VPS13B: variants seen among roughly 807,000 people sequenced by gnomAD.
VPS13B encodes vacuolar protein sorting 13 homolog B.
Under a neutral mutation model 426.4 loss-of-function variants are expected in VPS13B, and 285 were observed. That is an observed-to-expected ratio of 0.67 (90% CI 0.61 to 0.74). The LOEUF is 0.74. VPS13B is among the 30% of genes least tolerant of loss of function. VPS13B has a pLI of 0.00. For missense variants in VPS13B, 4,537 were observed against 4,782.6 expected (o/e 0.95, Z 1.51); for synonymous variants, 1,676 against 1,676.4 (o/e 1.00, Z 0.01).
chr8:99,090,739 A>G (rs560432312), intron 3 of VPS13B, among the ~76,000 whole-genome samples: 21 of 152,166 alleles, frequency 1.4e-4, no homozygotes, highest in Non-Finnish European at 2.8e-4. Flanking sequence ...GAGGGAAGTT[A>G]TATACAAGAA....
intron 30 of VPS13B, among the ~76,000 whole-genome samples, chr8:99,551,904 C>A (rs1478965641): frequency 6.6e-6 from 1 of 151,934 alleles, no homozygotes; most frequent in Non-Finnish European, 1.5e-5. Context: ...GGATTTAGGG[C>A]TTGGCATTTT....
At chr8:99,361,278 GT>G (rs573232977) in intron 19 of VPS13B, among the ~76,000 whole-genome samples, 1 of 152,300 alleles carries the variant, frequency 6.6e-6, no homozygotes, top group Non-Finnish European at 1.5e-5. Flanking sequence ...GTGCCTCTCA[GT>G]TTTTAGGCTA....
chr8:99,592,579 G>T (rs1826748830), intron 33 of VPS13B, among the ~76,000 whole-genome samples: 1 of 151,950 alleles, frequency 6.6e-6, no homozygotes. Context: ...AATTCAAATG[G>T]AACCAAAACA....
chr8:99,664,242 T>G (rs1250628541), intron 35 of VPS13B, among the ~76,000 whole-genome samples: 1 of 151,974 alleles, frequency 6.6e-6, no homozygotes, highest in Non-Finnish European at 1.5e-5. Flanking sequence ...CCTGACCACA[T>G]GATCCGCCCA....
rs186160760 is a variant in VPS13B, at chr8:99,773,549, A to G, written c.7248-3226A>G. Among the ~76,000 whole-genome samples, 949 of 152,304 alleles carry G rather than the reference A, an allele frequency of 6.2e-3. 8 individuals are homozygous for G. Among genetic ancestry groups the G allele is most frequent in the African/African-American group, 0.021 (891 of 41,564 alleles). ...AGGTCACTCAGGACAGTTGGTAAGT[A>G]ACTCTTTGGCTAAAATGAAGGTATA... is the stretch of plus-strand genomic sequence containing the variant. On this transcript the variant is annotated intron_variant, in intron 40 of 61. Coordinates refer to ENST00000357162, the MANE Select transcript of VPS13B (RefSeq NM_152564.5).
At chr8:99,697,574 A>C in intron 35 of VPS13B, 1 of 680,866 alleles carries the variant, frequency 1.5e-6, no homozygotes, top group South Asian at 1.7e-5. Context: ...CATGCAAGAG[A>C]TCAAGAAGGA....
In VPS13B at chr8:99,198,353, A is replaced by T. The variant is rs974044051; in HGVS notation, c.2515+5296A>T. On this transcript the variant is annotated intron_variant, in intron 17 of 61. Coordinates refer to ENST00000357162, the MANE Select transcript of VPS13B (RefSeq NM_152564.5). ...GTCTCACAATATTAATGTTTTTTTT[A>T]AATTTTAAACTTTTATTTTTATTAA... 5.3e-5 allele frequency among the ~76,000 whole-genome samples: 8 copies of T among 152,050 alleles called. 1 individual carries two copies. The highest frequency in any genetic ancestry group is 1.4e-4 in the African/African-American group (6 of 41,522).
intron 43 of VPS13B, among the ~76,000 whole-genome samples, chr8:99,802,469 C>T (rs1813175537): frequency 6.6e-6 from 1 of 152,016 alleles, no homozygotes; most frequent in African/African-American, 2.4e-5. Context: ...ATTTTAATAA[C>T]ATTTTTGTCT....
chr8:99,256,128 T>A (rs915895144), intron 17 of VPS13B, among the ~76,000 whole-genome samples: 1 of 152,154 alleles, frequency 6.6e-6, no homozygotes, highest in Non-Finnish European at 1.5e-5. Context: ...GGGGAACTTT[T>A]TTCTGTCTGT....
intron 33 of VPS13B, among the ~76,000 whole-genome samples, chr8:99,597,959 A>T (rs918916080): frequency 2.6e-5 from 4 of 152,050 alleles, no homozygotes; most frequent in Admixed American, 2.6e-4. Flanking sequence ...ATTCATAGTA[A>T]TTCTCATTTC....
chr8:99,509,176 A>G (rs927960643), intron 28 of VPS13B, among the ~76,000 whole-genome samples: 6 of 152,142 alleles, frequency 3.9e-5, no homozygotes, highest in African/African-American at 7.2e-5. Context: ...GTATACCTTA[A>G]CAATCCTTCT....
At chr8:99,082,222 G>A (rs1438561509) in intron 3 of VPS13B, among the ~76,000 whole-genome samples, 1 of 152,198 alleles carries the variant, frequency 6.6e-6, no homozygotes, top group Non-Finnish European at 1.5e-5. Flanking sequence ...GTGATGATGA[G>A]TATGTTTTCA....
At chr8:99,147,077 AG>A (rs1241316628) in intron 13 of VPS13B, among the ~76,000 whole-genome samples, 2 of 151,882 alleles carry the variant, frequency 1.3e-5, no homozygotes, top group Non-Finnish European at 2.9e-5. Context: ...ATCAGGAGGA[AG>A]GGGGAACAAG....
intron 14 of VPS13B, among the ~76,000 whole-genome samples, chr8:99,151,372 T>C (rs1176606601): frequency 6.6e-6 from 1 of 152,240 alleles, no homozygotes; most frequent in Non-Finnish European, 1.5e-5. Context: ...TTTTGAATTT[T>C]TAGTGAAGTC....
intron 17 of VPS13B, among the ~76,000 whole-genome samples, chr8:99,212,606 T>A (rs1003781499): frequency 3.4e-4 from 51 of 152,198 alleles, no homozygotes; most frequent in African/African-American, 1.1e-3. Context: ...GAATCTCAGA[T>A]CTATCTCTGA....
intron 10 of VPS13B, 85 bp from the exon 11 acceptor site, chr8:99,135,511 A>G: frequency 2.0e-6 from 3 of 1,502,890 alleles, no homozygotes; most frequent in East Asian, 4.7e-5. Context: ...TGACTAGTAA[A>G]TGGGCATCAT....
chr8:99,644,017 A>C (rs1356535943), intron 34 of VPS13B, among the ~76,000 whole-genome samples: 2 of 152,188 alleles, frequency 1.3e-5, no homozygotes, highest in African/African-American at 2.4e-5. Flanking sequence ...TCAGCCCTTC[A>C]TTAAGTTCAC....
intron 17 of VPS13B, among the ~76,000 whole-genome samples, chr8:99,254,739 C>T (rs1199937402): frequency 6.6e-6 from 1 of 151,914 alleles, no homozygotes; most frequent in Non-Finnish European, 1.5e-5. Flanking sequence ...TGCCCACAGG[C>T]TCAAGTGATT....
In VPS13B at chr8:99,540,601, A is replaced by G. The variant is rs528514879; in HGVS notation, c.4746-15849A>G. ...TTTTTCACAAGACTTTCATGTCTCAATTTTATTCATAGAATATTTCCTAGC... is the reference window on the plus strand; with the variant it reads ...TTTTTCACAAGACTTTCATGTCTCAGTTTTATTCATAGAATATTTCCTAGC... On this transcript the variant is annotated intron_variant, in intron 30 of 61. Transcript: ENST00000357162. 9.9e-5 allele frequency among the ~76,000 whole-genome samples: 15 copies of G among 152,266 alleles called. No homozygotes were observed. The South Asian group carries it at 2.5e-3, about 25-fold the overall frequency.
Sources: allele counts gnomAD v4.1 joint callset (sites outside exome capture counted in the v4.1 genomes callset), GRCh38; gene constraint gnomAD v4.1.1; transcripts MANE v1.5; gene names NCBI Gene and HGNC (gene_info 2026-07-23, HGNC 2026-07-21).